The following RUNX1 variants were observed in gnomAD, a reference collection of about 807,000 sequenced individuals.
RUNX1 encodes RUNX family transcription factor 1.
Under a neutral mutation model 42.8 loss-of-function variants are expected in RUNX1, and 19 were observed. The ratio of observed to expected loss-of-function variants is 0.44; its 90% confidence interval spans 0.31 to 0.65. The LOEUF is 0.65. Among genes scored for constraint, RUNX1 ranks in the 30% least tolerant of loss-of-function variants. RUNX1 has a pLI of 0.07. For synonymous variants in RUNX1, 271 were observed against 289.4 expected (o/e 0.94, Z 0.64); for missense variants, 528 against 672.0 (o/e 0.79, Z 2.37).
chr21:34,815,519 T>G (rs949373703), intron 7 of RUNX1, among the ~76,000 whole-genome samples: 2 of 152,012 alleles, frequency 1.3e-5, no homozygotes, highest in Admixed American at 6.5e-5. Flanking sequence ...GAAGCTTCCA[T>G]GAGGAGTGGG....
rs2058825739 is a variant in RUNX1 at position 34,978,982 on chromosome 21, C to T, written c.58+69860G>A. The stretch of plus-strand genomic sequence containing the variant: ...CACACACACACACACACACACACAG[C>T]ATCTTTGTCCATCCTGGGCCAGGTA... On this transcript the variant is annotated intron_variant, in intron 2 of 8. Coordinates refer to ENST00000675419, the MANE Select transcript of RUNX1 (RefSeq NM_001754.5). Among the ~76,000 whole-genome samples, 2 of 44,420 alleles carry T rather than the reference C, an allele frequency of 4.5e-5. 1 individual carries two copies. Among genetic ancestry groups the T allele is most frequent in the South Asian group, 1.6e-3 (2 of 1,264 alleles). The allele number at this position is 44,420 out of a possible 152,430, so 29.1% of individuals were successfully genotyped here.
intron 4 of RUNX1, among the ~76,000 whole-genome samples, chr21:34,885,321 G>A (rs920693658): frequency 3.3e-5 from 5 of 152,138 alleles, no homozygotes; most frequent in African/African-American, 1.2e-4. Context: ...CAATGCGGGT[G>A]CCCTAAAGAG....
At chr21:35,015,122 G>A (rs1227635133) in intron 2 of RUNX1, among the ~76,000 whole-genome samples, 1 of 152,206 alleles carries the variant, frequency 6.6e-6, no homozygotes, top group Non-Finnish European at 1.5e-5. Context: ...AAACTGCCCA[G>A]GTTCATTCAC....
chr21:34,854,739 GC>G (rs1246833411), intron 6 of RUNX1, among the ~76,000 whole-genome samples: 2 of 152,042 alleles, frequency 1.3e-5, no homozygotes, highest in Non-Finnish European at 2.9e-5. Flanking sequence ...TACGTTAACA[GC>G]CTGGTCCTCA....
At chr21:35,026,112 T>C (rs757124638) in intron 2 of RUNX1, among the ~76,000 whole-genome samples, 4 of 152,222 alleles carry the variant, frequency 2.6e-5, no homozygotes, top group Non-Finnish European at 4.4e-5. Flanking sequence ...ACTCAAGATG[T>C]CCTTTTTAGG....
At chr21:34,932,678 T>C (rs143352757) in intron 2 of RUNX1, among the ~76,000 whole-genome samples, 15 of 152,296 alleles carry the variant, frequency 9.8e-5, no homozygotes, top group East Asian at 5.8e-4. Flanking sequence ...ACTCAAGTAG[T>C]AGAGTTGAGA....
intron 6 of RUNX1, among the ~76,000 whole-genome samples, chr21:34,848,442 CT>C (rs1403849605): frequency 6.6e-6 from 1 of 152,174 alleles, no homozygotes; most frequent in East Asian, 1.9e-4. Flanking sequence ...CCCTGGTTCA[CT>C]TTATTTTTTG....
intron 2 of RUNX1, among the ~76,000 whole-genome samples, chr21:34,987,397 G>C (rs1240057045): frequency 6.6e-6 from 1 of 152,192 alleles, no homozygotes; most frequent in African/African-American, 2.4e-5. Context: ...CAGCGGTGAA[G>C]AATGAAGTCC....
intron 4 of RUNX1, 142 bp downstream of exon 4, chr21:34,886,701 T>C: frequency 1.5e-6 from 2 of 1,339,934 alleles, no homozygotes; most frequent in Non-Finnish European, 1.0e-6. Context: ...ATCCCCCACA[T>C]CCCAAGCTAG....
At chr21:34,869,455 T>G (rs186673512) in intron 5 of RUNX1, among the ~76,000 whole-genome samples, 1 of 152,314 alleles carries the variant, frequency 6.6e-6, no homozygotes, top group Admixed American at 6.5e-5. Context: ...TAGATGTGTG[T>G]GTTTTCTATG....
At chr21:34,942,054 C>G (rs1237846081) in intron 2 of RUNX1, among the ~76,000 whole-genome samples, 1 of 151,978 alleles carries the variant, frequency 6.6e-6, no homozygotes, top group African/African-American at 2.4e-5. Context: ...TCTCGGCCAC[C>G]CCCTGCTGCA....
intron 6 of RUNX1, among the ~76,000 whole-genome samples, chr21:34,836,058 CA>C (rs1569039031): frequency 1.3e-5 from 2 of 152,234 alleles, no homozygotes; most frequent in African/African-American, 4.8e-5. Flanking sequence ...CACTATATTG[CA>C]GTGATTTTAT....
intron 7 of RUNX1, chr21:34,821,518 C>G (rs370265910): frequency 1.3e-6 from 2 of 1,503,718 alleles, no homozygotes; most frequent in Non-Finnish European, 1.8e-6. Context: ...AGAAGGGACA[C>G]GGAGGAATTA....
intron 2 of RUNX1, among the ~76,000 whole-genome samples, chr21:34,999,187 G>A (rs2059021364): frequency 6.6e-6 from 1 of 152,230 alleles, no homozygotes; most frequent in Non-Finnish European, 1.5e-5. Context: ...GGAGGCTGGG[G>A]TGATCAGGCT....
chr21:35,037,087 T>G (rs1413575821), intron 2 of RUNX1, among the ~76,000 whole-genome samples: 2 of 152,190 alleles, frequency 1.3e-5, no homozygotes, highest in Admixed American at 1.3e-4. Flanking sequence ...AAGGTCAGCC[T>G]TGTACAACAA....
chr21:34,913,691 G>A (rs904761402), intron 2 of RUNX1, among the ~76,000 whole-genome samples: 10 of 152,126 alleles, frequency 6.6e-5, no homozygotes, highest in Admixed American at 5.9e-4. Context: ...TAATTCACAT[G>A]GCAGCATCGT....
intron 2 of RUNX1, among the ~76,000 whole-genome samples, chr21:34,941,452 A>C (rs1323500815): frequency 1.3e-5 from 2 of 152,226 alleles, no homozygotes; most frequent in Non-Finnish European, 2.9e-5. Context: ...CATCCTGAGC[A>C]GGGCATCTAA....
chr21:34,821,842 A>AG, intron 7 of RUNX1: 1 of 680,242 alleles, frequency 1.5e-6, no homozygotes, highest in Non-Finnish European at 2.3e-6. Flanking sequence ...AGGAATAACA[A>AG]GATTTCCCTT....
rs1337655511 is a variant in RUNX1, at chr21:34,791,824, G to A, written c.*311C>T. 1 of 235,070 alleles carries A rather than the reference G, an allele frequency of 4.3e-6. No homozygotes were observed. Among genetic ancestry groups the A allele is most frequent in the African/African-American group, 2.2e-5 (1 of 44,780 alleles). The allele number at this position is 235,070 out of a possible 1,614,324, so 14.6% of individuals were successfully genotyped here. A position where few individuals can be genotyped will look rare whatever the true frequency, so the allele number is the denominator to read the frequency against. On this transcript the variant is annotated 3_prime_UTR_variant, in exon 9 of 9. Transcript: ENST00000675419. ...CAGAAGCATTCACAGTTTCCCTCCG[G>A]GAATCTTCCTGTTTGCTTTCCAGCG... is the stretch of plus-strand genomic sequence containing the variant.
Sources: gnomAD v4.1 joint callset for allele counts (sites outside exome capture counted in the v4.1 genomes callset) on GRCh38, gnomAD v4.1.1 for gene constraint, MANE v1.5 for transcripts, NCBI Gene and HGNC (gene_info 2026-07-23, HGNC 2026-07-21) for gene names.